The following MARCHF3 variants were observed in gnomAD, a reference collection of about 807,000 sequenced individuals.
MARCHF3 encodes E3 ubiquitin-protein ligase MARCHF3.
MARCHF3 carries 13 observed loss-of-function variants against 24.2 expected under a neutral mutation model. The observed-to-expected ratio is 0.54, with a 90% CI of 0.35 to 0.85. The LOEUF (loss-of-function observed/expected upper bound fraction) is 0.85. Among genes scored for constraint, MARCHF3 ranks in the 40% least tolerant of loss-of-function variants. The pLI, the probability that MARCHF3 is intolerant of heterozygous loss-of-function variation, is 0.01. For synonymous variants in MARCHF3, 144 were observed against 137.3 expected, an observed-to-expected ratio of 1.05 and a Z score of -0.34; for missense variants, 276 against 325.0, an observed-to-expected ratio of 0.85 and a Z score of 1.16.
chr5:127,018,473 T>C (rs1580494834), intron 1 of MARCHF3, among the ~76,000 whole-genome samples: 1 of 152,050 alleles, frequency 6.6e-6, no homozygotes, highest in Non-Finnish European at 1.5e-5. Flanking sequence ...TTGGTGGTAG[T>C]GCAGGGGATC....
chr5:127,009,360 A>G (rs17514505), intron 1 of MARCHF3, among the ~76,000 whole-genome samples: 2,132 of 152,322 alleles, frequency 0.014, 17 homozygotes, highest in Middle Eastern at 0.027. Flanking sequence ...AAAATATCCA[A>G]TCTAGGTTGT....
chr5:126,898,577 T>C (rs1266374496), intron 3 of MARCHF3, among the ~76,000 whole-genome samples: 1 of 152,102 alleles, frequency 6.6e-6, no homozygotes, highest in Non-Finnish European at 1.5e-5. Flanking sequence ...GAGCAAGCCT[T>C]TGGAAGCGGT....
At chr5:127,014,187 A>G (rs2126859111) in intron 1 of MARCHF3, among the ~76,000 whole-genome samples, 1 of 152,294 alleles carries the variant, frequency 6.6e-6, no homozygotes, top group African/African-American at 2.4e-5. Flanking sequence ...AGAGAACTCA[A>G]ACAACTCAAT....
At chr5:126,929,105 A>G (rs1027012304) in intron 1 of MARCHF3, among the ~76,000 whole-genome samples, 1 of 152,244 alleles carries the variant, frequency 6.6e-6, no homozygotes. Flanking sequence ...TCTCAGTCAC[A>G]TCGGCCTCTC....
chr5:127,027,709 G>A (rs1258565715), intron 1 of MARCHF3, among the ~76,000 whole-genome samples: 1 of 152,196 alleles, frequency 6.6e-6, no homozygotes, highest in African/African-American at 2.4e-5. Flanking sequence ...AAGACAGAGA[G>A]TTAATGCATT....
At chr5:127,023,655 C>T (rs971784383) in intron 1 of MARCHF3, among the ~76,000 whole-genome samples, 2 of 151,642 alleles carry the variant, frequency 1.3e-5, no homozygotes, top group Non-Finnish European at 2.9e-5. Context: ...TCACTTGAAC[C>T]AGGAGGTGGA....
chr5:126,924,832 T>A (rs4608976), intron 1 of MARCHF3, among the ~76,000 whole-genome samples: 5,963 of 152,286 alleles, frequency 0.039, 130 homozygotes, highest in Non-Finnish European at 0.04. Flanking sequence ...AGCGGCAAAG[T>A]AGTTGCTTCA....
intron 1 of MARCHF3, among the ~76,000 whole-genome samples, chr5:126,952,330 ATC>A (rs796979694): frequency 1.3e-5 from 2 of 152,182 alleles, no homozygotes; most frequent in African/African-American, 2.4e-5. Flanking sequence ...CATTTTAAAA[ATC>A]TCTCTTTCAA....
chr5:126,969,531 A>T (rs1580692956), intron 1 of MARCHF3, among the ~76,000 whole-genome samples: 1 of 152,350 alleles, frequency 6.6e-6, no homozygotes, highest in South Asian at 2.1e-4. Flanking sequence ...CAGTTCTAAC[A>T]CAGGTATTTG....
chr5:126,905,278 G>C (rs369675731), intron 3 of MARCHF3, among the ~76,000 whole-genome samples: 2,577 of 136,126 alleles, frequency 0.019, 50 homozygotes, highest in South Asian at 0.11. Context: ...TTTTGGCTTA[G>C]GATTGACTTG....
intron 1 of MARCHF3, among the ~76,000 whole-genome samples, chr5:126,936,754 C>T (rs768207504): frequency 6.6e-6 from 1 of 152,120 alleles, no homozygotes; most frequent in Non-Finnish European, 1.5e-5. Flanking sequence ...AAACACAAGC[C>T]AAACTAGAGC....
intron 1 of MARCHF3, among the ~76,000 whole-genome samples, chr5:127,025,407 T>C (rs1752962823): frequency 6.6e-6 from 1 of 151,324 alleles, no homozygotes; most frequent in Non-Finnish European, 1.5e-5. Context: ...GAGGACAATA[T>C]AAAACAGAAT....
At chr5:126,972,485 T>G (rs1023490440) in intron 1 of MARCHF3, among the ~76,000 whole-genome samples, 1 of 152,178 alleles carries the variant, frequency 6.6e-6, no homozygotes, top group African/African-American at 2.4e-5. Flanking sequence ...GGAGGTGAGA[T>G]GAGGTCAATT....
chr5:126,966,826 C>T (rs1750826709), intron 1 of MARCHF3, among the ~76,000 whole-genome samples: 1 of 145,108 alleles, frequency 6.9e-6, no homozygotes, highest in Non-Finnish European at 1.5e-5. Context: ...TTTATGCTAA[C>T]AGTGGCCTTA....
intron 3 of MARCHF3, among the ~76,000 whole-genome samples, chr5:126,905,916 A>T (rs1016013627): frequency 6.6e-6 from 1 of 152,164 alleles, no homozygotes. Flanking sequence ...GAATGCTTCC[A>T]GTTTCTGCCC....
At chr5:126,874,490 G>T (rs1028749829) in intron 4 of MARCHF3, among the ~76,000 whole-genome samples, 5 of 151,876 alleles carry the variant, frequency 3.3e-5, no homozygotes, top group African/African-American at 1.2e-4. Context: ...GGAGGCTGAA[G>T]CAGGAGAATC....
At chr5:126,948,327 T>C (rs567914931) in intron 1 of MARCHF3, among the ~76,000 whole-genome samples, 2 of 152,302 alleles carry the variant, frequency 1.3e-5, no homozygotes, top group South Asian at 2.1e-4. Context: ...CTGCCAATAC[T>C]TTATCTTCAA....
intron 1 of MARCHF3, among the ~76,000 whole-genome samples, chr5:127,014,032 A>G (rs1376177598): frequency 6.6e-6 from 1 of 152,208 alleles, no homozygotes; most frequent in African/African-American, 2.4e-5. Flanking sequence ...ACAGGCAACT[A>G]ATGCAAAAAT....
intron 1 of MARCHF3, among the ~76,000 whole-genome samples, chr5:127,018,852 T>C (rs1315836445): frequency 6.6e-6 from 1 of 152,182 alleles, no homozygotes; most frequent in African/African-American, 2.4e-5. Context: ...CTATGTGACC[T>C]AAGCAAATTA....
Sources: allele counts gnomAD v4.1 joint callset (sites outside exome capture counted in the v4.1 genomes callset), GRCh38; gene constraint gnomAD v4.1.1; transcripts MANE v1.5; gene names NCBI Gene and HGNC (gene_info 2026-07-23, HGNC 2026-07-21).